HDAC10: variants seen among roughly 807,000 people sequenced by gnomAD.
HDAC10 encodes histone deacetylase 10.
HDAC10 carries 90 observed loss-of-function variants against 82.3 expected under a neutral mutation model. The observed-to-expected ratio is 1.09, with a 90% CI of 0.92 to 1.30. The LOEUF (loss-of-function observed/expected upper bound fraction) is 1.30, where lower values mean the gene tolerates loss of function less well. HDAC10 is among the 50% of genes most tolerant of loss of function. The pLI is 0.00. For synonymous variants in HDAC10, 456 were observed against 391.7 expected, an observed-to-expected ratio of 1.16 and a Z score of -1.94; for missense variants, 934 against 876.3, an observed-to-expected ratio of 1.07 and a Z score of -0.83.
chr22:50,246,135 G>T (rs1293904730), intron 17 of HDAC10, 43 bp from the exon 18 acceptor site: 2 of 1,566,724 alleles, frequency 1.3e-6, no homozygotes, highest in Non-Finnish European at 1.7e-6. Context: ...ACGGACACCT[G>T]CTGGCTCTGG....
chr22:50,246,160 A>G (rs2064939505), intron 17 of HDAC10, 68 bp from the exon 18 acceptor site: 1 of 1,549,814 alleles, frequency 6.5e-7, no homozygotes, highest in Non-Finnish European at 8.8e-7. Flanking sequence ...CCAACCTCCC[A>G]ATCTCAGGGC....
Position 50,248,537 on chromosome 22 carries a change from G to T in HDAC10, c.907-65C>A. 2 of 1,524,490 alleles carry T rather than the reference G, an allele frequency of 1.3e-6. No homozygotes were observed. Among genetic ancestry groups the T allele is most frequent in the Non-Finnish European group, 8.9e-7 (1 of 1,129,368 alleles). The allele number at this position is 1,524,490 out of a possible 1,614,324, so 94.4% of individuals were successfully genotyped here. On this transcript the variant is annotated intron_variant, in intron 10 of 19. Transcript: ENST00000216271. The surrounding 1 kb of genome is among the most constrained non-coding windows in gnomAD (Gnocchi z 5.4). ...ACTGGGATGGGATGTCACCGGGAGA[G>T]CCCCTGCCTGGCTCTATCCCGGGCA...
chr22:50,249,642 C>T lies in HDAC10; in HGVS notation c.556G>A (p.Asp186Asn). The T allele has an allele frequency of 6.2e-7, 1 of 1,612,886 alleles. No individual in the cohort carries two copies. Among genetic ancestry groups the T allele is most frequent in the Non-Finnish European group, 8.5e-7 (1 of 1,179,954 alleles). ...GQGIQYLFED[D>N]PSVLYFSWHR... ...TTCCGCACCCCTGCTCACCTGGGGT[C>T]ATCCTCAAAGAGATACTGGATCCCC... Residue 186 changes from aspartate to asparagine, a missense_variant, in exon 6 of 20, where the codon GAC becomes AAC. Coordinates refer to ENST00000216271, the MANE Select transcript of HDAC10 (RefSeq NM_032019.6). This position sits in a 1 kb window ranked among gnomAD's most constrained non-coding sequence, Gnocchi z 4.4.
In HDAC10 at chr22:50,248,558, G is replaced by A. The variant is rs564657299; in HGVS notation, c.907-86C>T. On this transcript the variant is annotated intron_variant, in intron 10 of 19. Transcript: ENST00000216271. This position sits in a 1 kb window ranked among gnomAD's most constrained non-coding sequence, Gnocchi z 5.4. ...GAGAGCCCCTGCCTGGCTCTATCCC[G>A]GGCAGGACGCCCCTCCCAAATACCC... 207 of 1,483,982 alleles carry A rather than the reference G, an allele frequency of 1.4e-4. No individual in the cohort carries two copies. Among genetic ancestry groups the A allele is most frequent in the South Asian group, 1.2e-3 (93 of 80,254 alleles). 91.9% of individuals were successfully genotyped at this position (1,483,982 alleles called of 1,614,324 possible). A position where few individuals can be genotyped will look rare whatever the true frequency, so the allele number is the denominator to read the frequency against.
At position 50,248,210 on chromosome 22, in the gene HDAC10, C is replaced by G; in HGVS notation, c.1081+15G>C. On this transcript the variant is annotated intron_variant, in intron 12 of 19. Transcript: ENST00000216271. The surrounding 1 kb of genome is among the most constrained non-coding windows in gnomAD (Gnocchi z 5.4). Reference sequence around the variant, plus strand: ...CGAGGTGGGATCCTGCAGCCTAGCACCCGGCCACACTGACCTTGCTGCTGG... The same window carrying G: ...CGAGGTGGGATCCTGCAGCCTAGCAGCCGGCCACACTGACCTTGCTGCTGG... The G allele has an allele frequency of 6.2e-7, 1 of 1,609,420 alleles. No homozygotes were observed. Among genetic ancestry groups the G allele is most frequent in the Non-Finnish European group, 8.5e-7 (1 of 1,178,476 alleles).
chr22:50,245,664 G>A lies in HDAC10; in HGVS notation c.1986+11C>T, dbSNP rs1274199747. ...CCCAGGGCAGGGCCATGCCTCCGCA[G>A]TCAGCCTCACCTGCAACATCTTCCA... On this transcript the variant is annotated intron_variant, in intron 19 of 19. Transcript: ENST00000216271. The A allele has an allele frequency of 2.5e-6, 4 of 1,612,902 alleles. No homozygotes were observed. Among genetic ancestry groups the A allele is most frequent in the Non-Finnish European group, 3.4e-6 (4 of 1,179,740 alleles).
rs1202434033 is a variant in HDAC10 at position 50,250,162 on chromosome 22, T to C, written c.292-2A>G. 1 of 1,611,080 alleles carries C rather than the reference T, an allele frequency of 6.2e-7. No individual in the cohort carries two copies. Among genetic ancestry groups the C allele is most frequent in the Non-Finnish European group, 8.5e-7 (1 of 1,179,424 alleles). On this transcript the variant is annotated splice_acceptor_variant, in intron 3 of 19. Coordinates refer to ENST00000216271, the MANE Select transcript of HDAC10 (RefSeq NM_032019.6). LOFTEE classifies it high-confidence loss of function. Reference sequence around the variant, plus strand: ...CAGCCGCGCGCAGTGAAAGGTACTCTGTGGGCGCAGGGGCGCAGATGAGCC... The same window carrying C: ...CAGCCGCGCGCAGTGAAAGGTACTCCGTGGGCGCAGGGGCGCAGATGAGCC...
At chr22:50,247,837 A>G in intron 13 of HDAC10, 53 bp downstream of exon 13, 1 of 1,612,656 alleles carries the variant, frequency 6.2e-7, no homozygotes, top group Non-Finnish European at 8.5e-7. Context: ...AGGCACACAC[A>G]GGCACAGGTG....
intron 16 of HDAC10, 35 bp from the exon 17 acceptor site, chr22:50,246,411 G>A (rs532934781): frequency 1.3e-6 from 2 of 1,561,554 alleles, no homozygotes; most frequent in East Asian, 2.2e-5. Flanking sequence ...GTAAGGCCCT[G>A]CTCACCCTCC....
chr22:50,248,893 A>G lies in HDAC10; in HGVS notation c.757-3T>C. The G allele has an allele frequency of 6.2e-7, 1 of 1,610,726 alleles. No homozygotes were observed. The stretch of plus-strand genomic sequence containing the variant: ...ACCAGCACCAGCTCAGGGTCAAACT[A>G]CAGGCCAGGCCGGAGTGGGGAGGGT... On this transcript the variant is annotated splice_region_variant and splice_polypyrimidine_tract_variant and intron_variant, in intron 8 of 19. Transcript: ENST00000216271. The surrounding 1 kb of genome is among the most constrained non-coding windows in gnomAD (Gnocchi z 5.4).
At chr22:50,250,609 A>T (rs2065066068) in intron 2 of HDAC10, 86 bp from the exon 3 acceptor site, 5 of 1,321,856 alleles carry the variant, frequency 3.8e-6, no homozygotes, top group Non-Finnish European at 4.3e-6. Flanking sequence ...TCATGGTGGG[A>T]GTGGCCACCC....
At chr22:50,250,616 AC>A (rs2065066407) in intron 2 of HDAC10, 93 bp from the exon 3 acceptor site, 3 of 1,313,000 alleles carry the variant, frequency 2.3e-6, no homozygotes, top group East Asian at 2.4e-5. Context: ...GGGAGTGGCC[AC>A]CCTGTCACTT....
chr22:50,248,923 A>G lies in HDAC10; in HGVS notation c.757-33T>C, dbSNP rs769666233. 1.9e-6 allele frequency: 3 copies of G among 1,601,500 alleles called. No homozygotes were observed. Among genetic ancestry groups the G allele is most frequent in the South Asian group, 2.2e-5 (2 of 89,408 alleles). ...CCAGGCCGGAGTGGGGAGGGTCGAC[A>G]GAGAGGGGCTGGAGCCCAGGTGAGG... On this transcript the variant is annotated intron_variant, in intron 8 of 19. Transcript: ENST00000216271. This position sits in a 1 kb window ranked among gnomAD's most constrained non-coding sequence, Gnocchi z 5.4.
In HDAC10 at chr22:50,249,288, G is replaced by A; in HGVS notation, c.690+40C>T. Reference sequence around the variant, plus strand: ...GTGGGGGAGGGGAGGGGCCCAGGGGGAGGGGGCTGGGTGGGGACCTGGGGC... The same window carrying A: ...GTGGGGGAGGGGAGGGGCCCAGGGGAAGGGGGCTGGGTGGGGACCTGGGGC... On this transcript the variant is annotated intron_variant, in intron 7 of 19. Coordinates refer to ENST00000216271, the MANE Select transcript of HDAC10 (RefSeq NM_032019.6). The surrounding 1 kb of genome is among the most constrained non-coding windows in gnomAD (Gnocchi z 4.4). The A allele has an allele frequency of 1.3e-6, 2 of 1,509,638 alleles. No individual in the cohort carries two copies. Among genetic ancestry groups the A allele is most frequent in the Non-Finnish European group, 1.8e-6 (2 of 1,120,448 alleles). 93.5% of individuals were successfully genotyped at this position (1,509,638 alleles called of 1,614,324 possible).
At chr22:50,247,285 A>G (rs1299153498) in intron 14 of HDAC10, 3 of 322,708 alleles carry the variant, frequency 9.3e-6, no homozygotes, top group Non-Finnish European at 1.7e-5. Flanking sequence ...GGCACACACC[A>G]CCACGCTTGG....
chr22:50,246,666 C>CT lies in HDAC10; in HGVS notation c.1571+12dup, dbSNP rs755663877. On this transcript the variant is annotated intron_variant, in intron 16 of 19. Transcript: ENST00000216271. ...ATGCATGGCTGGACATATGCAAGACCTGAGAGTCCTACCCGTCATGGGCGA... is the reference window on the plus strand; with the variant it reads ...ATGCATGGCTGGACATATGCAAGACCTTGAGAGTCCTACCCGTCATGGGCGA... The CT allele has an allele frequency of 2.5e-6, 4 of 1,610,782 alleles. No individual in the cohort carries two copies. Among genetic ancestry groups the CT allele is most frequent in the Non-Finnish European group, 3.4e-6 (4 of 1,179,512 alleles).
chr22:50,251,199 C>T lies in HDAC10; in HGVS notation c.-167G>A, dbSNP rs2065083645. The T allele has an allele frequency of 3.2e-6, 2 of 634,544 alleles. No individual in the cohort carries two copies. The highest frequency in any genetic ancestry group is 3.8e-5 in the African/African-American group (2 of 52,268). The allele number at this position is 634,544 out of a possible 1,614,324, so 39.3% of individuals were successfully genotyped here. On this transcript the variant is annotated 5_prime_UTR_variant, in exon 1 of 20. Transcript: ENST00000216271. The stretch of plus-strand genomic sequence containing the variant: ...GGAGCGCACAGAACCTAGGCAGGCT[C>T]CGGGATCCCAGGCGCGCAGAAGGCA...
rs769114941 is a variant in HDAC10 at position 50,245,745 on chromosome 22, G to A, written c.1916C>T (p.Ala639Val). Residue 639 changes from alanine to valine, a missense_variant, in exon 19 of 20, where the codon GCC becomes GTC. Ala to Val is a moderately conservative substitution (Grantham distance 64, BLOSUM62 0). Transcript: ENST00000216271. ...CAGGGCCTGGACGTCCTCTGGGGAG[G>A]CCACAGAGGAAGGGCCTAGGCTAGG... ...APPSLGPSSVASPEDVQALMY... is the reference protein window; with the variant it reads ...APPSLGPSSVVSPEDVQALMY... 5.6e-6 allele frequency: 9 copies of A among 1,612,144 alleles called. No individual in the cohort carries two copies. The highest frequency in any genetic ancestry group is 6.8e-6 in the Non-Finnish European group (8 of 1,179,448).
rs2064996813 is a variant in HDAC10 at position 50,247,962 on chromosome 22, G to T, written c.1265C>A (p.Thr422Lys). Residue 422 changes from threonine to lysine, a missense_variant, in exon 13 of 20, where the codon ACA (threonine) becomes AAA (lysine). By Grantham distance (78) the Thr-to-Lys change is moderately conservative. Coordinates refer to ENST00000216271, the MANE Select transcript of HDAC10 (RefSeq NM_032019.6). ...TAVALTTPDI[T>K]LVLPPDVIQQ... ...GATGACGTCAGGGGGCAGAACCAATGTGATATCCGGCGTTGTCAGGGCAAC... is the reference window on the plus strand; with the variant it reads ...GATGACGTCAGGGGGCAGAACCAATTTGATATCCGGCGTTGTCAGGGCAAC... 6.2e-7 allele frequency: 1 copy of T among 1,612,798 alleles called. No homozygotes were observed. Among genetic ancestry groups the T allele is most frequent in the African/African-American group, 1.3e-5 (1 of 74,936 alleles).
Sources: allele counts gnomAD v4.1 joint callset, GRCh38; gene constraint gnomAD v4.1.1; non-coding constraint Gnocchi (gnomAD v3.1); transcripts MANE v1.5; gene names NCBI Gene and HGNC (gene_info 2026-07-23, HGNC 2026-07-21).